The following VPS13B variants were observed in gnomAD, a reference collection of about 807,000 sequenced individuals.
The protein encoded by VPS13B is vacuolar protein sorting 13 homolog B.
In VPS13B, 285 loss-of-function variants were observed where a neutral mutation model predicts 426.4. The ratio of observed to expected loss-of-function variants is 0.67; its 90% CI spans 0.61 to 0.74. The LOEUF is 0.74. Among genes scored for constraint, VPS13B ranks in the 30% least tolerant of loss-of-function variants. The pLI is 0.00. For synonymous variants in VPS13B, 1,676 were observed against 1,676.4 expected (o/e 1.00, Z 0.01); for missense variants, 4,537 against 4,782.6 (o/e 0.95, Z 1.51).
At chr8:99,478,447 G>GTTTTTTTTTTTTTTTTTGTTTTT (rs1819826219) in intron 24 of VPS13B, among the ~76,000 whole-genome samples, 3 of 85,776 alleles carry the variant, frequency 3.5e-5, no homozygotes, top group Admixed American at 1.4e-4. Context: ...TTTTTGTTTT[G>GTTTTTTTTTTTTTTTTTGTTTTT]TTTTTTTTTT....
intron 33 of VPS13B, among the ~76,000 whole-genome samples, chr8:99,609,793 A>T (rs1478258511): frequency 2.6e-5 from 4 of 152,216 alleles, no homozygotes; most frequent in Admixed American, 6.5e-5. Flanking sequence ...TTCTTACCGC[A>T]AGTGTATGGT....
chr8:99,103,490 C>T (rs986053884), intron 5 of VPS13B, among the ~76,000 whole-genome samples: 3 of 140,350 alleles, frequency 2.1e-5, no homozygotes, highest in Admixed American at 7.5e-5. Flanking sequence ...CTGCTATGCC[C>T]GGCTTTTTTT....
chr8:99,094,288 CT>C (rs1399612090), intron 3 of VPS13B, among the ~76,000 whole-genome samples: 8 of 152,116 alleles, frequency 5.3e-5, no homozygotes, highest in African/African-American at 1.9e-4. Flanking sequence ...TAATAATGTG[CT>C]TTTAATGTTA....
At chr8:99,428,801 A>T (rs1377609237) in intron 21 of VPS13B, among the ~76,000 whole-genome samples, 1 of 152,184 alleles carries the variant, frequency 6.6e-6, no homozygotes, top group Admixed American at 6.5e-5. Context: ...AAGTATTATA[A>T]ATCATGCTGC....
intron 33 of VPS13B, among the ~76,000 whole-genome samples, chr8:99,602,239 AT>A (rs2133859130): frequency 1.3e-5 from 2 of 152,320 alleles, no homozygotes; most frequent in East Asian, 3.9e-4. Context: ...TCCCAACACC[AT>A]TTATTAAATA....
chr8:99,601,826 C>T (rs540916893), intron 33 of VPS13B, among the ~76,000 whole-genome samples: 11 of 152,196 alleles, frequency 7.2e-5, no homozygotes, highest in East Asian at 1.9e-4. Context: ...TCATATCCTT[C>T]GCCCACTTTT....
intron 19 of VPS13B, among the ~76,000 whole-genome samples, chr8:99,311,954 G>T (rs1372519436): frequency 2.0e-5 from 3 of 151,986 alleles, no homozygotes; most frequent in Non-Finnish European, 2.9e-5. Context: ...TTTGATCTTT[G>T]TTGGTTTAAA....
intron 42 of VPS13B, 27 bp from the exon 43 acceptor site, chr8:99,784,288 T>C: frequency 6.2e-7 from 1 of 1,613,488 alleles, no homozygotes; most frequent in Non-Finnish European, 8.5e-7. Flanking sequence ...CCGATCCATG[T>C]TGGCTTTCGT....
chr8:99,157,286 T>A (rs930792431), intron 15 of VPS13B, among the ~76,000 whole-genome samples: 3 of 151,926 alleles, frequency 2.0e-5, no homozygotes, highest in African/African-American at 7.3e-5. Flanking sequence ...TTTTTTTTTT[T>A]AACAAATTGA....
At chr8:99,117,887 A>T (rs1258733462) in intron 7 of VPS13B, among the ~76,000 whole-genome samples, 1 of 152,182 alleles carries the variant, frequency 6.6e-6, no homozygotes, top group Non-Finnish European at 1.5e-5. Flanking sequence ...CTATTAAAAA[A>T]ATCCCACTGA....
chr8:99,763,254 T>C (rs753736474), intron 39 of VPS13B, among the ~76,000 whole-genome samples: 5 of 151,932 alleles, frequency 3.3e-5, no homozygotes, highest in African/African-American at 9.7e-5. Flanking sequence ...TACTTTCAAC[T>C]TCTATACTTC....
At chr8:99,829,739 AC>A (rs1814937179) in intron 51 of VPS13B, among the ~76,000 whole-genome samples, 1 of 152,110 alleles carries the variant, frequency 6.6e-6, no homozygotes, top group South Asian at 2.1e-4. Flanking sequence ...GGATTTATCT[AC>A]CTTTGGTCTT....
chr8:99,774,494 A>G (rs754094720), intron 40 of VPS13B, among the ~76,000 whole-genome samples: 1 of 152,242 alleles, frequency 6.6e-6, no homozygotes, highest in Admixed American at 6.5e-5. Flanking sequence ...AATATGTTAT[A>G]ATATTTGCCA....
At chr8:99,474,646 C>T (rs79618347) in intron 24 of VPS13B, among the ~76,000 whole-genome samples, 4,740 of 152,044 alleles carry the variant, frequency 0.031, 97 homozygotes, top group East Asian at 0.061. Context: ...AGGGGAAAAA[C>T]GTCATGAAGA....
intron 43 of VPS13B, among the ~76,000 whole-genome samples, chr8:99,788,362 C>T (rs1389386082): frequency 1.9e-5 from 2 of 106,854 alleles, no homozygotes; most frequent in African/African-American, 3.6e-5. Flanking sequence ...CCAGCCTGGG[C>T]AATATAATGA....
intron 35 of VPS13B, among the ~76,000 whole-genome samples, chr8:99,667,161 TTAATAGTTC>T (rs1344567013): frequency 2.0e-5 from 3 of 152,156 alleles, no homozygotes; most frequent in Non-Finnish European, 4.4e-5. Context: ...AAATGGTGAT[TTAATAGTTC>T]TAGAAGGTAG....
At chr8:99,506,718 A>G (rs552108005) in intron 27 of VPS13B, among the ~76,000 whole-genome samples, 2 of 152,250 alleles carry the variant, frequency 1.3e-5, no homozygotes, top group Non-Finnish European at 1.5e-5. Flanking sequence ...GGAGCTGGGC[A>G]TGGTGGTGTA....
chr8:99,541,511 C>T (rs530708481), intron 30 of VPS13B, among the ~76,000 whole-genome samples: 2 of 152,208 alleles, frequency 1.3e-5, no homozygotes, highest in African/African-American at 4.8e-5. Flanking sequence ...CCCCTGCACC[C>T]GGACAGGCCC....
chr8:99,652,208 C>T (rs1016734456), intron 34 of VPS13B, among the ~76,000 whole-genome samples: 8 of 152,106 alleles, frequency 5.3e-5, no homozygotes, highest in South Asian at 2.1e-4. Context: ...TTAGACCTCT[C>T]GGTACTAAGT....
Sources: allele counts gnomAD v4.1 joint callset (sites outside exome capture counted in the v4.1 genomes callset), GRCh38; gene constraint gnomAD v4.1.1; transcripts MANE v1.5; gene names NCBI Gene and HGNC (gene_info 2026-07-23, HGNC 2026-07-21).